The following RPS6KC1 variants were observed in gnomAD, a reference collection of about 807,000 sequenced individuals.
RPS6KC1 encodes ribosomal protein S6 kinase C1.
Under a neutral mutation model 103.8 loss-of-function variants are expected in RPS6KC1, and 54 were observed. The ratio of observed to expected loss-of-function variants is 0.52; its 90% CI spans 0.42 to 0.65. RPS6KC1 has a LOEUF of 0.65. Among genes scored for constraint, RPS6KC1 ranks in the 30% least tolerant of loss-of-function variants. The probability of loss-of-function intolerance (pLI) is 0.00; values close to 1 mark genes in which losing one functional copy is unlikely to be tolerated. For missense variants in RPS6KC1, 1,151 were observed against 1,253.8 expected (o/e 0.92, Z 1.24); for synonymous variants, 439 against 438.7 (o/e 1.00, Z -0.01).
the RPS6KC1 span, among the ~76,000 whole-genome samples, chr1:213,788,156 A>G: frequency 6.6e-6 from 1 of 152,192 alleles, no homozygotes; most frequent in East Asian, 1.9e-4. Flanking sequence ...ATTGGGGGTC[A>G]TGAAGACATT....
chr1:213,089,584 C>T (rs1251360153), intron 3 of RPS6KC1, among the ~76,000 whole-genome samples: 3 of 152,094 alleles, frequency 2.0e-5, no homozygotes, highest in Non-Finnish European at 4.4e-5. Flanking sequence ...GTCTCAGCCT[C>T]CCGAGTAGCT....
the RPS6KC1 span, among the ~76,000 whole-genome samples, chr1:213,612,187 A>G: frequency 6.6e-6 from 1 of 152,214 alleles, no homozygotes; most frequent in African/African-American, 2.4e-5. Context: ...TGGGTGGTGG[A>G]GCCCAGCAAT....
chr1:213,554,806 C>T, the RPS6KC1 span, among the ~76,000 whole-genome samples: 5 of 152,230 alleles, frequency 3.3e-5, no homozygotes, highest in East Asian at 1.9e-4. Flanking sequence ...CTGGTCTCTC[C>T]TTTTAGAACA....
At chr1:213,605,083 G>A in the RPS6KC1 span, among the ~76,000 whole-genome samples, 1 of 152,048 alleles carries the variant, frequency 6.6e-6, no homozygotes, top group Non-Finnish European at 1.5e-5. Flanking sequence ...TTGATCAGAA[G>A]TTCTCAAACT....
chr1:213,075,299 C>A (rs1193392299), intron 2 of RPS6KC1, among the ~76,000 whole-genome samples: 1 of 151,978 alleles, frequency 6.6e-6, no homozygotes, highest in Non-Finnish European at 1.5e-5. Context: ...TTACATAAGC[C>A]CATCAACCAT....
At chr1:213,162,353 T>C (rs2090557749) in intron 6 of RPS6KC1, among the ~76,000 whole-genome samples, 1 of 152,114 alleles carries the variant, frequency 6.6e-6, no homozygotes. Flanking sequence ...CCATCACAGC[T>C]CATTGCAGCC....
At chr1:213,177,543 G>A (rs1429731989) in intron 8 of RPS6KC1, among the ~76,000 whole-genome samples, 1 of 152,168 alleles carries the variant, frequency 6.6e-6, no homozygotes, top group East Asian at 1.9e-4. Context: ...AGCTGTCGGT[G>A]TCTTAAGTTC....
At chr1:213,270,029 A>T (rs2095008297) in intron 14 of RPS6KC1, among the ~76,000 whole-genome samples, 1 of 152,162 alleles carries the variant, frequency 6.6e-6, no homozygotes, top group South Asian at 2.1e-4. Context: ...CTTTGCAAAG[A>T]TCAGCAAAAT....
the RPS6KC1 span, among the ~76,000 whole-genome samples, chr1:213,343,051 G>A: frequency 6.6e-6 from 1 of 151,814 alleles, no homozygotes; most frequent in Non-Finnish European, 1.5e-5. Flanking sequence ...AAATTTTTTT[G>A]TAGTTGAAAT....
chr1:213,076,617 G>GTT (rs1005316265), intron 2 of RPS6KC1, among the ~76,000 whole-genome samples: 10 of 145,570 alleles, frequency 6.9e-5, no homozygotes, highest in African/African-American at 2.5e-4. Context: ...TTACAAAGTG[G>GTT]TTTTTTTTTT....
chr1:213,175,593 A>G (rs2091812563), intron 7 of RPS6KC1, among the ~76,000 whole-genome samples: 1 of 152,222 alleles, frequency 6.6e-6, no homozygotes, highest in Non-Finnish European at 1.5e-5. Flanking sequence ...GGCTTATATT[A>G]CTGATAGGGA....
chr1:213,720,691 T>C, the RPS6KC1 span, among the ~76,000 whole-genome samples: 1 of 152,260 alleles, frequency 6.6e-6, no homozygotes, highest in Non-Finnish European at 1.5e-5. Context: ...TATTATGCCT[T>C]TATTTTTCAT....
At chr1:213,631,325 A>C in the RPS6KC1 span, among the ~76,000 whole-genome samples, 1 of 147,596 alleles carries the variant, frequency 6.8e-6, no homozygotes, top group East Asian at 2.0e-4. Flanking sequence ...TGTAGACTGG[A>C]GCTGTTCCTA....
chr1:213,253,608 A>G (rs1247648079), intron 12 of RPS6KC1, among the ~76,000 whole-genome samples: 1 of 152,156 alleles, frequency 6.6e-6, no homozygotes, highest in Non-Finnish European at 1.5e-5. Flanking sequence ...TTTTTGCGTC[A>G]TGTCTTTGAC....
In RPS6KC1 at chr1:213,129,851, A is replaced by G. The variant is rs1460035328; in HGVS notation, c.797A>G (p.Tyr266Cys). 6.2e-7 allele frequency: 1 copy of G among 1,609,548 alleles called. No homozygotes were observed. The highest frequency in any genetic ancestry group is 1.3e-5 in the African/African-American group (1 of 74,334). ...EDDYEAASDF[Y>C]RKGVDLLLEG... Reference sequence around the variant, plus strand: ...GACTATGAAGCTGCTTCTGATTTTTATAGGAAGGGAGTTGATTTACTCCTA... The same window carrying G: ...GACTATGAAGCTGCTTCTGATTTTTGTAGGAAGGGAGTTGATTTACTCCTA... The change falls in exon 6 of 15, where the codon TAT becomes TGT. Residue 266 changes from tyrosine (Y) to cysteine (C), a missense_variant. Physicochemically the swap from Tyr to Cys is radical, Grantham distance 194. Around this residue, in one of 3 missense-constraint regions of RPS6KC1, gnomAD observed 959 missense variants for 1,006.3 expected, o/e 0.95. Coordinates refer to ENST00000366960, the MANE Select transcript of RPS6KC1 (RefSeq NM_012424.6).
chr1:213,727,141 T>A, the RPS6KC1 span, among the ~76,000 whole-genome samples: 2 of 152,156 alleles, frequency 1.3e-5, no homozygotes. Flanking sequence ...GCAAGGGGGC[T>A]GAGAATATGA....
At chr1:213,349,013 CTCTT>C in the RPS6KC1 span, among the ~76,000 whole-genome samples, 2 of 152,202 alleles carry the variant, frequency 1.3e-5, no homozygotes, top group Non-Finnish European at 2.9e-5. Context: ...TTCTAGGTGT[CTCTT>C]TCTCAAATCA....
At chr1:213,728,796 T>C in the RPS6KC1 span, among the ~76,000 whole-genome samples, 1 of 152,056 alleles carries the variant, frequency 6.6e-6, no homozygotes, top group Non-Finnish European at 1.5e-5. Context: ...GCTCTTGGCT[T>C]TCCATATAGG....
At chr1:213,213,086 A>G (rs1222250195) in intron 8 of RPS6KC1, among the ~76,000 whole-genome samples, 2 of 152,130 alleles carry the variant, frequency 1.3e-5, no homozygotes, top group African/African-American at 2.4e-5. Flanking sequence ...TATCTTATCA[A>G]TTGTTTCTTT....
Sources: allele counts gnomAD v4.1 joint callset (sites outside exome capture counted in the v4.1 genomes callset), GRCh38; gene constraint gnomAD v4.1.1; regional missense constraint gnomAD v4.1.1; transcripts MANE v1.5; gene names NCBI Gene and HGNC (gene_info 2026-07-23, HGNC 2026-07-21).